Variants in ST3GAL4 observed in about 807,000 individuals in gnomAD.
ST3GAL4 encodes the protein ST3 beta-galactoside alpha-2,3-sialyltransferase 4, also known as CMP-N-acetylneuraminate-beta-galactosamide-alpha-2,3-sialyltransferase 4.
ST3GAL4 carries 24 observed loss-of-function variants against 42.6 expected under a neutral mutation model. The ratio of observed to expected loss-of-function variants is 0.56; its 90% CI spans 0.41 to 0.79. ST3GAL4 has a LOEUF of 0.79. Among genes scored for constraint, ST3GAL4 ranks in the 30% least tolerant of loss-of-function variants. The pLI is 0.00. For synonymous variants in ST3GAL4, 135 were observed against 163.2 expected (o/e 0.83, Z 1.32); for missense variants, 311 against 430.8 (o/e 0.72, Z 2.46).
At chr11:126,372,969 T>C (rs899793188) in intron 1 of ST3GAL4, among the ~76,000 whole-genome samples, 2 of 152,236 alleles carry the variant, frequency 1.3e-5, no homozygotes, top group Non-Finnish European at 2.9e-5. Context: ...TGGGATCCTA[T>C]CTTGTCTCTT....
In ST3GAL4 at chr11:126,395,882, G is replaced by A. The variant is rs1456612999; in HGVS notation, c.-60-10214G>A. ...GAAAACAGACTAACGCAGGCAGCCT[G>A]TGTTGGGAGGAGTTGGCAAGGAGGG... On this transcript the variant is annotated intron_variant, in intron 1 of 10. Transcript: ENST00000444328. Among the ~76,000 whole-genome samples the A allele has an allele frequency of 1.5e-4, 23 of 152,184 alleles. 2 individuals are homozygous for A. The highest frequency in any genetic ancestry group is 1.5e-3 in the Admixed American group (23 of 15,286).
In ST3GAL4 at chr11:126,393,655, A is replaced by T. The variant is rs1175051087; in HGVS notation, c.-60-12441A>T. Among the ~76,000 whole-genome samples the T allele has an allele frequency of 2.0e-5, 3 of 152,198 alleles. No homozygotes were observed. Among genetic ancestry groups the T allele is most frequent in the Non-Finnish European group, 1.5e-5 (1 of 68,026 alleles). On this transcript the variant is annotated intron_variant, in intron 1 of 10. Coordinates refer to ENST00000444328, the MANE Select transcript of ST3GAL4 (RefSeq NM_001254757.2). This position sits in a 1 kb window ranked among gnomAD's most constrained non-coding sequence, Gnocchi z 5.9. ...CTTAATAAACTCTCCTGGTGCTTCC[A>T]GTAGGCACTTGAGGGTGGACACCAC...
chr11:126,378,448 C>T lies in ST3GAL4; in HGVS notation c.-61+22606C>T, dbSNP rs1254118348. On this transcript the variant is annotated intron_variant, in intron 1 of 10. Transcript: ENST00000444328. This position sits in a 1 kb window ranked among gnomAD's most constrained non-coding sequence, Gnocchi z 5.3. Reference sequence around the variant, plus strand: ...TATTTGAGACGGAGTCTTGCTGTGTCACTCAGGCTGGAGTCAGTGGTGCAA... The same window carrying T: ...TATTTGAGACGGAGTCTTGCTGTGTTACTCAGGCTGGAGTCAGTGGTGCAA... Among the ~76,000 whole-genome samples the T allele has an allele frequency of 2.0e-5, 3 of 152,154 alleles. No individual in the cohort carries two copies. The highest frequency in any genetic ancestry group is 4.4e-5 in the Non-Finnish European group (3 of 68,034).
Position 126,414,027 on chromosome 11 carries a change from A to G in ST3GAL4, c.982A>G (p.Lys328Glu), listed in dbSNP as rs1226712077. The G allele has an allele frequency of 6.2e-7, 1 of 1,614,130 alleles. No individual in the cohort carries two copies. The highest frequency in any genetic ancestry group is 8.5e-7 in the Non-Finnish European group (1 of 1,180,046). ...IKRMLEMGAIKNLTSF is the reference protein window; with the variant it reads ...IKRMLEMGAIENLTSF ...GCGGATGCTGGAGATGGGAGCTATC[A>G]AGAACCTCACGTCCTTCTGACCTGG... The change falls in exon 11 of 11, where the codon AAG (lysine) becomes GAG (glutamate). Residue 328 changes from lysine to glutamate, a missense_variant. Coordinates refer to ENST00000444328, the MANE Select transcript of ST3GAL4 (RefSeq NM_001254757.2).
At chr11:126,372,772 C>G (rs1952704816) in intron 1 of ST3GAL4, among the ~76,000 whole-genome samples, 1 of 152,152 alleles carries the variant, frequency 6.6e-6, no homozygotes, top group Non-Finnish European at 1.5e-5. Flanking sequence ...AATTTCCTTT[C>G]TTTTTCAGGC....
intron 1 of ST3GAL4, among the ~76,000 whole-genome samples, chr11:126,362,480 T>C (rs114784668): frequency 0.016 from 2,511 of 152,228 alleles, 66 homozygotes; most frequent in African/African-American, 0.054. Context: ...GGATTATAGG[T>C]GTGAACTACC....
intron 1 of ST3GAL4, among the ~76,000 whole-genome samples, chr11:126,374,820 T>TC (rs1952774823): frequency 1.3e-5 from 2 of 152,124 alleles, no homozygotes; most frequent in African/African-American, 4.8e-5. Flanking sequence ...ACCGTCTGTA[T>TC]CCGAGTGTTG....
At chr11:126,394,850 G>A (rs1422063104) in intron 1 of ST3GAL4, among the ~76,000 whole-genome samples, 2 of 151,664 alleles carry the variant, frequency 1.3e-5, no homozygotes, top group South Asian at 4.2e-4. Context: ...TGGGTGGGTA[G>A]CCTGTGGAGC....
rs1454315884 is a variant in ST3GAL4, at chr11:126,406,603, G to C, written c.101+46G>C. The C allele has an allele frequency of 1.9e-6, 3 of 1,613,642 alleles. No homozygotes were observed. In the African/African-American group the frequency reaches 4.0e-5, roughly 22 times the overall value. ...CTTCCAGTGGCTCTTGTCAGGGACA[G>C]GGCTTAGGGATGGAGCATCATGGAG... On this transcript the variant is annotated intron_variant, in intron 3 of 10. Transcript: ENST00000444328. This position sits in a 1 kb window ranked among gnomAD's most constrained non-coding sequence, Gnocchi z 5.4.
intron 1 of ST3GAL4, chr11:126,403,348 C>A: frequency 8.2e-6 from 8 of 978,294 alleles, no homozygotes; most frequent in Non-Finnish European, 9.7e-6. Context: ...TCACCTCTGA[C>A]GCTGCTCACC....
At position 126,355,955 on chromosome 11, in the gene ST3GAL4, G is replaced by A. The variant is rs1177244361; in HGVS notation, c.-61+113G>A. 2 of 151,452 alleles carry A rather than the reference G, an allele frequency of 1.3e-5. No homozygotes were observed. The highest frequency in any genetic ancestry group is 3.0e-5 in the Non-Finnish European group (2 of 67,786). 9.4% of individuals were successfully genotyped at this position (151,452 alleles called of 1,614,324 possible). ...CGCCGCGCCTCCCGGAGGGGGTCGG[G>A]CCCTGCACGTGGGCGCAGCGCGGGT... On this transcript the variant is annotated intron_variant, in intron 1 of 10. Coordinates refer to ENST00000444328, the MANE Select transcript of ST3GAL4 (RefSeq NM_001254757.2). This position sits in a 1 kb window ranked among gnomAD's most constrained non-coding sequence, Gnocchi z 7.1.
At chr11:126,387,692 A>G (rs1953284509) in intron 1 of ST3GAL4, among the ~76,000 whole-genome samples, 1 of 151,338 alleles carries the variant, frequency 6.6e-6, no homozygotes, top group Non-Finnish European at 1.5e-5. Context: ...AAAAAAAATT[A>G]TAAAGGTAAG....
At chr11:126,413,718 G>C in intron 10 of ST3GAL4, 70 bp downstream of exon 10, 1 of 1,593,326 alleles carries the variant, frequency 6.3e-7, no homozygotes, top group South Asian at 1.1e-5. Context: ...GGCACTGGGT[G>C]AGTGGGAGCA....
rs1952183098 is a variant in ST3GAL4, at chr11:126,359,739, C to G, written c.-61+3897C>G. On this transcript the variant is annotated intron_variant, in intron 1 of 10. Transcript: ENST00000444328. This position sits in a 1 kb window ranked among gnomAD's most constrained non-coding sequence, Gnocchi z 4.8. The stretch of plus-strand genomic sequence containing the variant: ...ACAAGGTTCTTCTCCCTCCCTCCTT[C>G]CCTCCTTCCCTCCTTCCCTCCTTCC... 6.6e-6 allele frequency among the ~76,000 whole-genome samples: 1 copy of G among 152,066 alleles called. No homozygotes were observed. Among genetic ancestry groups the G allele is most frequent in the Non-Finnish European group, 1.5e-5 (1 of 68,020 alleles).
At chr11:126,412,130 TAG>T (rs927793938) in intron 9 of ST3GAL4, among the ~76,000 whole-genome samples, 1 of 151,792 alleles carries the variant, frequency 6.6e-6, no homozygotes, top group Non-Finnish European at 1.5e-5. Context: ...ATTTAACTAA[TAG>T]AGAGAGAGTG....
In ST3GAL4 at chr11:126,392,472, G is replaced by A. The variant is rs1953556491; in HGVS notation, c.-60-13624G>A. On this transcript the variant is annotated intron_variant, in intron 1 of 10. Coordinates refer to ENST00000444328, the MANE Select transcript of ST3GAL4 (RefSeq NM_001254757.2). The surrounding 1 kb of genome is among the most constrained non-coding windows in gnomAD (Gnocchi z 5.8). ...TCGACATGCATTTGGCAGAAAGTGC[G>A]CTGGCTCTGCCAGCTCCCAGTGTGA... The A allele has an allele frequency of 3.0e-6, 2 of 676,444 alleles. No individual in the cohort carries two copies. Among genetic ancestry groups the A allele is most frequent in the Middle Eastern group, 7.6e-4 (1 of 1,322 alleles). 41.9% of individuals were successfully genotyped at this position (676,444 alleles called of 1,614,324 possible).
chr11:126,369,226 GC>G (rs1173406541), intron 1 of ST3GAL4, among the ~76,000 whole-genome samples: 1 of 151,756 alleles, frequency 6.6e-6, no homozygotes, highest in African/African-American at 2.4e-5. Context: ...TCAAGATAGT[GC>G]CTTTTTCTTT....
In ST3GAL4 at chr11:126,391,480, C is replaced by T. The variant is rs886426143; in HGVS notation, c.-60-14616C>T. Among the ~76,000 whole-genome samples, 4 of 152,110 alleles carry T rather than the reference C, an allele frequency of 2.6e-5. No homozygotes were observed. Among genetic ancestry groups the T allele is most frequent in the African/African-American group, 7.2e-5 (3 of 41,412 alleles). ...GCTTGGGTGCTGACTTTAGGAGGTG[C>T]GGCTCTTGGAAAGACAGAGTGTGAC... On this transcript the variant is annotated intron_variant, in intron 1 of 10. Coordinates refer to ENST00000444328, the MANE Select transcript of ST3GAL4 (RefSeq NM_001254757.2). This position sits in a 1 kb window ranked among gnomAD's most constrained non-coding sequence, Gnocchi z 5.5.
chr11:126,399,219 T>C (rs1953903622), intron 1 of ST3GAL4, among the ~76,000 whole-genome samples: 1 of 151,838 alleles, frequency 6.6e-6, no homozygotes, highest in African/African-American at 2.4e-5. Context: ...TTTCATTCTC[T>C]ACTACAGGGC....
Sources: allele counts gnomAD v4.1 joint callset (sites outside exome capture counted in the v4.1 genomes callset), GRCh38; gene constraint gnomAD v4.1.1; non-coding constraint Gnocchi (gnomAD v3.1); transcripts MANE v1.5; gene names NCBI Gene and HGNC (gene_info 2026-07-23, HGNC 2026-07-21).